Variants in HERC3 observed in about 807,000 individuals in gnomAD.
HERC3 encodes HECT and RLD domain containing E3 ubiquitin protein ligase 3.
In HERC3, 58 loss-of-function variants were observed where a neutral mutation model predicts 129.9. That is an observed-to-expected ratio of 0.45 (90% CI 0.36 to 0.56). The LOEUF (loss-of-function observed/expected upper bound fraction) is 0.56. HERC3 is among the 20% of genes least tolerant of loss of function. The probability of loss-of-function intolerance (pLI) is 0.00; values close to 1 mark genes in which losing one functional copy is unlikely to be tolerated. For synonymous variants in HERC3, 430 were observed against 451.0 expected (o/e 0.95, Z 0.59); for missense variants, 835 against 1,244.2 (o/e 0.67, Z 4.95).
At chr4:88,525,161 C>G in the HERC3 span, among the ~76,000 whole-genome samples, 2 of 152,166 alleles carry the variant, frequency 1.3e-5, no homozygotes, top group African/African-American at 4.8e-5. Context: ...ATGAAAGTCT[C>G]TGGTTGCCTC....
intron 23 of HERC3, among the ~76,000 whole-genome samples, chr4:88,700,601 G>A (rs1172197394): frequency 2.0e-5 from 3 of 152,042 alleles, no homozygotes; most frequent in African/African-American, 7.2e-5. Context: ...GCACATCTGC[G>A]TTTTTAGGTA....
rs576826560 is a variant in HERC3 at position 88,628,164 on chromosome 4, C to G, written c.227-21676C>G. ...TGAGTAGTAGTAAAATTTTTGATTA[C>G]CATTGTTGATTTATTTCTTCTTTTG... On this transcript the variant is annotated intron_variant, in intron 3 of 25. Transcript: ENST00000402738. Among the ~76,000 whole-genome samples the G allele has an allele frequency of 4.6e-5, 7 of 152,126 alleles. No homozygotes were observed. The South Asian group carries it at 1.5e-3, about 32-fold the overall frequency.
At chr4:88,581,880 A>G in the HERC3 span, among the ~76,000 whole-genome samples, 1 of 152,260 alleles carries the variant, frequency 6.6e-6, no homozygotes, top group Non-Finnish European at 1.5e-5. Context: ...TAACTCAATA[A>G]ATAATATCAC....
At chr4:88,575,881 G>A in the HERC3 span, among the ~76,000 whole-genome samples, 1 of 152,050 alleles carries the variant, frequency 6.6e-6, no homozygotes, top group Admixed American at 6.6e-5. Flanking sequence ...TATTTTCTTA[G>A]GCAGTATGCT....
chr4:88,696,565 C>T (rs1398161640), intron 23 of HERC3: 1 of 152,522 alleles, frequency 6.6e-6, no homozygotes, highest in African/African-American at 2.4e-5. Context: ...TTCTTGGAAC[C>T]ATGTTGTTTC....
the HERC3 span, among the ~76,000 whole-genome samples, chr4:88,548,349 G>A: frequency 2.0e-5 from 3 of 152,064 alleles, no homozygotes; most frequent in Admixed American, 1.3e-4. Flanking sequence ...CCACATTTTT[G>A]CAAGGTCTTG....
At position 88,633,606 on chromosome 4, in the gene HERC3, G is replaced by A. The variant is rs141140950; in HGVS notation, c.227-16234G>A. ...CTAAAATTATTTAACACAAAAGAAG[G>A]CAAGAAAGAGGAAATGAGAAACAGG... On this transcript the variant is annotated intron_variant, in intron 3 of 25. Coordinates refer to ENST00000402738, the MANE Select transcript of HERC3 (RefSeq NM_014606.3). Among the ~76,000 whole-genome samples the A allele has an allele frequency of 2.5e-3, 376 of 152,048 alleles. 1 individual carries two copies. Among genetic ancestry groups the A allele is most frequent in the African/African-American group, 8.0e-3 (330 of 41,486 alleles).
At chr4:88,585,836 A>ATTTTT in the HERC3 span, among the ~76,000 whole-genome samples, 17 of 152,146 alleles carry the variant, frequency 1.1e-4, no homozygotes, top group Admixed American at 2.6e-4. Flanking sequence ...TAACTAGAAG[A>ATTTTT]TTTTAACATT....
chr4:88,571,714 T>C, the HERC3 span, among the ~76,000 whole-genome samples: 1 of 152,214 alleles, frequency 6.6e-6, no homozygotes, highest in Non-Finnish European at 1.5e-5. Context: ...CCAATTGCCA[T>C]TTGGGAGTCT....
At chr4:88,620,701 C>T (rs1725418674) in intron 3 of HERC3, among the ~76,000 whole-genome samples, 1 of 152,118 alleles carries the variant, frequency 6.6e-6, no homozygotes, top group Admixed American at 6.5e-5. Flanking sequence ...CAAAATCTTC[C>T]AGTGCTTTCT....
In HERC3 at chr4:88,604,176, C is replaced by T. The variant is rs140658912; in HGVS notation, c.-29-1619C>T. Among the ~76,000 whole-genome samples the T allele has an allele frequency of 8.9e-3, 1,357 of 152,284 alleles. 19 individuals are homozygous for T. Among genetic ancestry groups the T allele is most frequent in the African/African-American group, 0.03 (1,266 of 41,568 alleles). The stretch of plus-strand genomic sequence containing the variant: ...GCTGGATTACAGGCATGCGCCACCG[C>T]GCCTGGCTGATTTTGTATTTTTAGT... On this transcript the variant is annotated intron_variant, in intron 2 of 25. Coordinates refer to ENST00000402738, the MANE Select transcript of HERC3 (RefSeq NM_014606.3).
At chr4:88,654,307 T>G (rs1729606253) in intron 7 of HERC3, among the ~76,000 whole-genome samples, 174 bp downstream of exon 7, 1 of 147,994 alleles carries the variant, frequency 6.8e-6, no homozygotes, top group African/African-American at 2.5e-5. Context: ...ACTACTTTTT[T>G]GTATGTCTCT....
chr4:88,642,584 T>C (rs1047781246), intron 3 of HERC3, among the ~76,000 whole-genome samples: 3 of 152,204 alleles, frequency 2.0e-5, no homozygotes, highest in Admixed American at 6.5e-5. Context: ...GCCAACAGAT[T>C]TGGTGTCTGC....
chr4:88,571,904 A>G, the HERC3 span, among the ~76,000 whole-genome samples: 1 of 152,154 alleles, frequency 6.6e-6, no homozygotes, highest in South Asian at 2.1e-4. Flanking sequence ...TAAAATTCAT[A>G]TGTTGCAGTC....
the HERC3 span, among the ~76,000 whole-genome samples, chr4:88,543,532 G>A: frequency 6.6e-6 from 1 of 152,094 alleles, no homozygotes; most frequent in African/African-American, 2.4e-5. Flanking sequence ...TAGATTCAAT[G>A]CCATCCCCAT....
At chr4:88,621,224 A>G (rs1725483772) in intron 3 of HERC3, among the ~76,000 whole-genome samples, 2 of 152,084 alleles carry the variant, frequency 1.3e-5, no homozygotes, top group East Asian at 3.9e-4. Context: ...CTCCTGCCTC[A>G]GCCTCCTGAG....
chr4:88,641,297 A>C (rs1358528065), intron 3 of HERC3, among the ~76,000 whole-genome samples: 1 of 152,218 alleles, frequency 6.6e-6, no homozygotes, highest in African/African-American at 2.4e-5. Flanking sequence ...AATTTGTGGG[A>C]TATAGCTTAA....
rs781039717 is a variant in HERC3, at chr4:88,670,141, A to G, written c.1800A>G (p.Val600=). 6.8e-6 allele frequency: 11 copies of G among 1,610,620 alleles called. No individual in the cohort carries two copies. In the South Asian group the frequency reaches 1.2e-4, roughly 18 times the overall value. Residue 600 remains valine, a splice_region_variant and synonymous_variant, in exon 16 of 26, where the codon GTA becomes GTG. Transcript: ENST00000402738. ...GTCTGTATTTTGTTCTTCATTAGGT[A>G]AATCTTAAAGTGAAGCATGTGGAAT... ...ALKLLEKLYK[V]NLKVKHVEYD...
chr4:88,556,681 C>G, the HERC3 span, among the ~76,000 whole-genome samples: 1 of 152,162 alleles, frequency 6.6e-6, no homozygotes, highest in Non-Finnish European at 1.5e-5. Context: ...CTGTCTTCTA[C>G]TCTACCACCA....
Sources: gnomAD v4.1 joint callset for allele counts (sites outside exome capture counted in the v4.1 genomes callset) on GRCh38, gnomAD v4.1.1 for gene constraint, MANE v1.5 for transcripts, NCBI Gene and HGNC (gene_info 2026-07-23, HGNC 2026-07-21) for gene names.